The following ACER1 variants were observed in gnomAD, a reference collection of about 807,000 sequenced individuals.
ACER1 encodes CTB-180A7.3.
A neutral mutation model predicts 24.9 loss-of-function variants in ACER1; 28 were observed. The observed-to-expected ratio is 1.13, with a 90% CI of 0.83 to 1.54. ACER1 has a LOEUF of 1.54. ACER1 is among the 40% of genes most tolerant of loss of function. The probability of loss-of-function intolerance (pLI) is 0.00; values close to 1 mark genes in which losing one functional copy is unlikely to be tolerated. For synonymous variants in ACER1, 132 were observed against 131.4 expected (o/e 1.00, Z -0.03); for missense variants, 352 against 349.3 (o/e 1.01, Z -0.06).
At chr19:6,354,864 T>A in the ACER1 span, among the ~76,000 whole-genome samples, 1 of 152,162 alleles carries the variant, frequency 6.6e-6, no homozygotes, top group South Asian at 2.1e-4. Context: ...GGTCTCCCAC[T>A]GATGCCGAGC....
At chr19:6,347,109 A>AAAAAAAAAAAAAAAAAAATAT in the ACER1 span, among the ~76,000 whole-genome samples, 4 of 113,822 alleles carry the variant, frequency 3.5e-5, no homozygotes, top group African/African-American at 2.0e-4. Flanking sequence ...AAAAAAAAAA[A>AAAAAAAAAAAAAAAAAAATAT]ATATATATAT....
At chr19:6,312,059 G>T (rs572978830) in intron 3 of ACER1, 90 bp downstream of exon 3, 3 of 1,490,240 alleles carry the variant, frequency 2.0e-6, no homozygotes, top group Non-Finnish European at 2.7e-6. Context: ...GAGGGTCAAG[G>T]GTGGGGACCC....
At chr19:6,322,958 A>C (rs1026710868) in intron 1 of ACER1, among the ~76,000 whole-genome samples, 3 of 151,982 alleles carry the variant, frequency 2.0e-5, no homozygotes, top group Non-Finnish European at 4.4e-5. Flanking sequence ...TGAAAATACA[A>C]AAAATTAGCC....
chr19:6,329,096 T>C lies in ACER1; in HGVS notation c.93+4363A>G, dbSNP rs554022887. On this transcript the variant is annotated intron_variant, in intron 1 of 5. Transcript: ENST00000301452. ...CCAGGAGGTCAAGGCTGCAGTGAGC[T>C]ATGATGGCACCACTCCATCCCAGGC... Among the ~76,000 whole-genome samples the C allele has an allele frequency of 9.9e-5, 15 of 152,030 alleles. No homozygotes were observed. The South Asian group carries it at 2.7e-3, about 27-fold the overall frequency.
At chr19:6,336,421 A>G (rs10405313), upstream of ACER1, among the ~76,000 whole-genome samples, 1 of 152,112 alleles carries the variant, frequency 6.6e-6, no homozygotes, top group Non-Finnish European at 1.5e-5. Flanking sequence ...CACCACCTCT[A>G]TGATGCCTCA....
chr19:6,311,145 A>G (rs2091577821), intron 3 of ACER1, among the ~76,000 whole-genome samples: 1 of 143,988 alleles, frequency 6.9e-6, no homozygotes, highest in Non-Finnish European at 1.5e-5. Context: ...TGAATTTAAG[A>G]GATGTCAGAC....
chr19:6,324,985 G>C (rs1241386219), intron 1 of ACER1, among the ~76,000 whole-genome samples: 1 of 152,074 alleles, frequency 6.6e-6, no homozygotes, highest in Non-Finnish European at 1.5e-5. Flanking sequence ...CCAGGCCAAT[G>C]CAAGCAGGAG....
At chr19:6,325,530 A>C (rs1241849270) in intron 1 of ACER1, among the ~76,000 whole-genome samples, 1 of 152,122 alleles carries the variant, frequency 6.6e-6, no homozygotes, top group Admixed American at 6.6e-5. Flanking sequence ...GGCAGGTGCT[A>C]TAATCCCAGC....
At position 6,306,194 on chromosome 19, in the gene ACER1, T is replaced by G. The variant is rs1345289604; in HGVS notation, c.*520A>C. Reference sequence around the variant, plus strand: ...TCCCAAGTAGCTGAGATTACAGGCATGCACCACCACGCCCGGCTAATTTTT... The same window carrying G: ...TCCCAAGTAGCTGAGATTACAGGCAGGCACCACCACGCCCGGCTAATTTTT... On this transcript the variant is annotated 3_prime_UTR_variant, in exon 6 of 6. Transcript: ENST00000301452. The G allele has an allele frequency of 1.3e-5, 2 of 152,886 alleles. No homozygotes were observed. Among genetic ancestry groups the G allele is most frequent in the Non-Finnish European group, 2.9e-5 (2 of 68,540 alleles). 9.5% of individuals were successfully genotyped at this position (152,886 alleles called of 1,614,324 possible). A position where few individuals can be genotyped will look rare whatever the true frequency, so the allele number is the denominator to read the frequency against.
At chr19:6,349,787 G>A in the ACER1 span, among the ~76,000 whole-genome samples, 1 of 152,104 alleles carries the variant, frequency 6.6e-6, no homozygotes, top group Non-Finnish European at 1.5e-5. Flanking sequence ...GAAGCTGGAG[G>A]TTTCTGCTCA....
At chr19:6,343,066 C>T in the ACER1 span, among the ~76,000 whole-genome samples, 6 of 152,108 alleles carry the variant, frequency 3.9e-5, no homozygotes, top group South Asian at 4.1e-4. Context: ...CGTGAGTCAC[C>T]GCACCCAGCC....
chr19:6,333,000 GGATAGTCCCAGGCACACT>G (rs2091695979), intron 1 of ACER1, among the ~76,000 whole-genome samples: 1 of 152,066 alleles, frequency 6.6e-6, no homozygotes, highest in African/African-American at 2.4e-5. Context: ...ACTGAAACCA[GGATAGTCCCAGGCACACT>G]GGGACAAGTT....
At chr19:6,334,465 C>T (rs184448310), upstream of ACER1, among the ~76,000 whole-genome samples, 3,099 of 152,170 alleles carry the variant, frequency 0.02, 38 homozygotes, top group Non-Finnish European at 0.031. Context: ...CTACCTCAGC[C>T]TCCCAAGTAG....
chr19:6,321,991 G>A (rs139373559), intron 1 of ACER1, among the ~76,000 whole-genome samples: 4 of 151,890 alleles, frequency 2.6e-5, no homozygotes, highest in African/African-American at 9.7e-5. Flanking sequence ...AATTCTTGTT[G>A]AATAAAGAAG....
intron 1 of ACER1, among the ~76,000 whole-genome samples, chr19:6,325,180 G>T (rs2091654969): frequency 6.6e-6 from 1 of 152,070 alleles, no homozygotes; most frequent in Non-Finnish European, 1.5e-5. Context: ...CCACCCCATG[G>T]CTCCCCAGGG....
intron 1 of ACER1, among the ~76,000 whole-genome samples, chr19:6,320,202 C>T (rs2091623247): frequency 6.6e-6 from 1 of 152,120 alleles, no homozygotes; most frequent in South Asian, 2.1e-4. Context: ...AACTCCCTCC[C>T]ACCAGCAACA....
chr19:6,308,097 A>G (rs1016065347), intron 4 of ACER1, among the ~76,000 whole-genome samples: 2 of 151,816 alleles, frequency 1.3e-5, no homozygotes, highest in Non-Finnish European at 2.9e-5. Context: ...AAATAAATAA[A>G]TAAATAAAAA....
chr19:6,313,842 C>A (rs1311770307), intron 1 of ACER1, among the ~76,000 whole-genome samples: 2 of 152,212 alleles, frequency 1.3e-5, no homozygotes, highest in African/African-American at 2.4e-5. Flanking sequence ...CACAAGAAGA[C>A]TGGCTACCCT....
At chr19:6,308,598 T>C (rs1389099756) in intron 4 of ACER1, among the ~76,000 whole-genome samples, 4 of 152,184 alleles carry the variant, frequency 2.6e-5, no homozygotes, top group African/African-American at 9.6e-5. Context: ...GACTGCATAG[T>C]ATTTATTCTT....
Sources: allele counts gnomAD v4.1 joint callset (sites outside exome capture counted in the v4.1 genomes callset), GRCh38; gene constraint gnomAD v4.1.1; transcripts MANE v1.5; gene names NCBI Gene and HGNC (gene_info 2026-07-23, HGNC 2026-07-21).